ANKRD55: variants seen among roughly 807,000 people sequenced by gnomAD.
The protein encoded by ANKRD55 is ankyrin repeat domain 55, also known as ankyrin repeat domain-containing protein 55.
In ANKRD55, 41 loss-of-function variants were observed where a neutral mutation model predicts 60.6. The observed-to-expected ratio is 0.68, with a 90% confidence interval of 0.53 to 0.88. The LOEUF is 0.88. ANKRD55 is among the 40% of genes least tolerant of loss of function. The pLI is 0.00. For synonymous variants in ANKRD55, 264 were observed against 290.3 expected, an observed-to-expected ratio of 0.91 and a Z score of 0.92; for missense variants, 732 against 767.6, an observed-to-expected ratio of 0.95 and a Z score of 0.55.
At chr5:56,159,984 G>T in intron 5 of ANKRD55, 91 bp from the exon 6 acceptor site, 1 of 1,128,622 alleles carries the variant, frequency 8.9e-7, no homozygotes, top group Non-Finnish European at 1.3e-6. Context: ...TAGAAAAACC[G>T]TCAGTTGAAA....
At chr5:56,140,661 C>CA (rs1374856264) in intron 7 of ANKRD55, among the ~76,000 whole-genome samples, 3 of 152,108 alleles carry the variant, frequency 2.0e-5, no homozygotes, top group Non-Finnish European at 4.4e-5. Flanking sequence ...CAAACATCTC[C>CA]AATAGTAGGT....
At chr5:56,229,606 CA>C (rs1405687029) in intron 2 of ANKRD55, among the ~76,000 whole-genome samples, 2 of 152,158 alleles carry the variant, frequency 1.3e-5, no homozygotes, top group East Asian at 3.8e-4. Context: ...AGCAAATGAC[CA>C]TCTGTCACCA....
chr5:56,213,843 G>A (rs773722732), intron 2 of ANKRD55, among the ~76,000 whole-genome samples: 8 of 152,232 alleles, frequency 5.3e-5, no homozygotes, highest in Non-Finnish European at 1.0e-4. Flanking sequence ...TACCTGCTCA[G>A]GCAATTCTGT....
At chr5:56,193,859 A>C (rs1283924518) in intron 2 of ANKRD55, among the ~76,000 whole-genome samples, 1 of 152,218 alleles carries the variant, frequency 6.6e-6, no homozygotes. Context: ...ATCTATATAT[A>C]TAAGAAGAAC....
chr5:56,156,185 G>T (rs1758190738), intron 6 of ANKRD55, among the ~76,000 whole-genome samples: 1 of 152,202 alleles, frequency 6.6e-6, no homozygotes, highest in Admixed American at 6.5e-5. Flanking sequence ...CAGACAGCAG[G>T]CTGTGAATGG....
intron 9 of ANKRD55, among the ~76,000 whole-genome samples, chr5:56,113,986 C>CTA (rs3055156): frequency 0.16 from 22,517 of 138,198 alleles, 1,880 homozygotes; most frequent in Admixed American, 0.23. Context: ...AATATGTATA[C>CTA]TATATATATA....
At chr5:56,226,677 G>T (rs1023203106) in intron 2 of ANKRD55, among the ~76,000 whole-genome samples, 2 of 152,190 alleles carry the variant, frequency 1.3e-5, no homozygotes, top group African/African-American at 2.4e-5. Context: ...AGTGGGTGAA[G>T]GGTGTGAACA....
intron 2 of ANKRD55, among the ~76,000 whole-genome samples, chr5:56,204,763 A>G (rs367671660): frequency 6.3e-4 from 96 of 152,314 alleles, no homozygotes; most frequent in African/African-American, 2.1e-3. Context: ...ATGAAGGATT[A>G]TGCTAGCCTT....
chr5:56,141,276 T>A (rs943890715), intron 7 of ANKRD55, among the ~76,000 whole-genome samples: 2 of 102,558 alleles, frequency 2.0e-5, no homozygotes, highest in Non-Finnish European at 5.1e-5. Context: ...ATACAAATAT[T>A]TTTTTTAAGA....
chr5:56,209,487 G>T (rs573747056), intron 2 of ANKRD55, among the ~76,000 whole-genome samples: 222 of 131,686 alleles, frequency 1.7e-3, no homozygotes, highest in Non-Finnish European at 2.8e-3. Context: ...TTTTTTTTGA[G>T]ACGGAGTCTC....
intron 5 of ANKRD55, chr5:56,162,117 G>A (rs765158764): frequency 2.6e-6 from 2 of 777,950 alleles, no homozygotes; most frequent in Non-Finnish European, 3.1e-6. Flanking sequence ...GGTCAGCTGT[G>A]GTCCAGTGTG....
rs1379569744 is a variant in ANKRD55, at chr5:56,231,456, G to A, written c.58+1400C>T. On this transcript the variant is annotated intron_variant, in intron 2 of 11. Transcript: ENST00000341048. ...GTCTTCAAAAATAAACCCATTGTAT[G>A]TTTCGTGGCTTAGCAACATCATTTT... Among the ~76,000 whole-genome samples, 5 of 152,118 alleles carry A rather than the reference G, an allele frequency of 3.3e-5. No homozygotes were observed. In the South Asian group the frequency reaches 1.0e-3, roughly 31 times the overall value.
intron 6 of ANKRD55, among the ~76,000 whole-genome samples, chr5:56,144,245 T>C (rs1757844395): frequency 1.3e-5 from 2 of 152,176 alleles, no homozygotes; most frequent in African/African-American, 2.4e-5. Flanking sequence ...TCCAGATTGA[T>C]AAATACTATG....
intron 6 of ANKRD55, among the ~76,000 whole-genome samples, chr5:56,154,200 CAAAA>C (rs367809782): frequency 1.6e-5 from 1 of 64,318 alleles, no homozygotes; most frequent in Non-Finnish European, 2.6e-5. Flanking sequence ...GACTCTGTCT[CAAAA>C]AAAAAAAAAA....
intron 6 of ANKRD55, among the ~76,000 whole-genome samples, chr5:56,146,076 C>G (rs1295192811): frequency 6.6e-6 from 1 of 152,038 alleles, no homozygotes; most frequent in Non-Finnish European, 1.5e-5. Flanking sequence ...TTCTTAGTCC[C>G]ATTTGCTTCA....
chr5:56,193,279 GA>G, intron 2 of ANKRD55: 1 of 1,085,730 alleles, frequency 9.2e-7, no homozygotes, highest in Non-Finnish European at 1.3e-6. Context: ...TAGCACTGGG[GA>G]GATGCATGGA....
chr5:56,192,599 A>C, intron 2 of ANKRD55: 1 of 591,820 alleles, frequency 1.7e-6, no homozygotes, highest in Non-Finnish European at 3.0e-6. Flanking sequence ...TGGATCGGCA[A>C]TAGGGTTTAT....
intron 7 of ANKRD55, among the ~76,000 whole-genome samples, chr5:56,131,656 T>C (rs1757416326): frequency 6.7e-6 from 1 of 149,476 alleles, no homozygotes; most frequent in Non-Finnish European, 1.5e-5. Context: ...ATTAGCCGGG[T>C]GTGGTGGTGC....
At chr5:56,140,549 C>G (rs1757733762) in intron 7 of ANKRD55, among the ~76,000 whole-genome samples, 1 of 152,122 alleles carries the variant, frequency 6.6e-6, no homozygotes, top group Non-Finnish European at 1.5e-5. Flanking sequence ...AATCTTTTTG[C>G]CTCCAATGCA....
Sources: allele counts gnomAD v4.1 joint callset (sites outside exome capture counted in the v4.1 genomes callset), GRCh38; gene constraint gnomAD v4.1.1; transcripts MANE v1.5; gene names NCBI Gene and HGNC (gene_info 2026-07-23, HGNC 2026-07-21).